DDX47: variants seen among roughly 807,000 people sequenced by gnomAD.
DDX47 encodes the protein probable ATP-dependent RNA helicase DDX47.
In DDX47, 60 loss-of-function variants were observed where a neutral mutation model predicts 58.8. That is an observed-to-expected ratio of 1.02 (90% CI 0.83 to 1.26). The LOEUF is 1.26. DDX47 is among the 50% of genes most tolerant of loss of function. The pLI, the probability that DDX47 is intolerant of heterozygous loss-of-function variation, is 0.00. For synonymous variants in DDX47, 197 were observed against 204.6 expected (o/e 0.96, Z 0.32); for missense variants, 530 against 573.2 (o/e 0.92, Z 0.77).
chr12:12,823,289 A>G lies in DDX47; in HGVS notation c.720A>G (p.Gln240=), dbSNP rs1187799152. 6.2e-7 allele frequency: 1 copy of G among 1,601,558 alleles called. No individual in the cohort carries two copies. Among genetic ancestry groups the G allele is most frequent in the East Asian group, 2.2e-5 (1 of 44,836 alleles). The change falls in exon 7 of 12, where the codon CAA becomes CAG. Residue 240 remains glutamine (Q), a synonymous_variant. Transcript: ENST00000358007. ...ACCAGACAGTTGAAAAATTACAGCA[A>G]TATTATATTTTTATTCCCTCTAAAT... ...SKYQTVEKLQ[Q]YYIFIPSKFK...
chr12:12,824,000 A>G lies in DDX47; in HGVS notation c.881A>G (p.His294Arg), dbSNP rs199916690. 12 of 1,613,770 alleles carry G rather than the reference A, an allele frequency of 7.4e-6. No individual in the cohort carries two copies. Among genetic ancestry groups the G allele is most frequent in the African/African-American group, 2.7e-5 (2 of 74,914 alleles). ...RNLGFTAIPLHGQMSQSKRLG... is the reference protein window; with the variant it reads ...RNLGFTAIPLRGQMSQSKRLG... The stretch of plus-strand genomic sequence containing the variant: ...CTTGGCTTCACTGCCATCCCCCTCC[A>G]TGGACAAATGAGTCAGGTAAGGATT... Residue 294 changes from histidine to arginine, a missense_variant, in exon 8 of 12, where the codon CAT becomes CGT. Transcript: ENST00000358007.
At position 12,821,342 on chromosome 12, in the gene DDX47, T is replaced by C; in HGVS notation, c.316T>C (p.Phe106Leu). The C allele has an allele frequency of 6.2e-7, 1 of 1,614,198 alleles. No individual in the cohort carries two copies. The highest frequency in any genetic ancestry group is 2.2e-5 in the East Asian group (1 of 44,876). Residue 106 changes from phenylalanine (F) to leucine (L), a missense_variant, in exon 3 of 12, where the codon TTT (phenylalanine) becomes CTT (leucine). Transcript: ENST00000358007. ...TCTTACCCCGACTCGGGAGCTGGCC[T>C]TTCAGATCTCAGAGCAGTTTGAAGC... ...LVLTPTRELAFQISEQFEALG... is the reference protein window; with the variant it reads ...LVLTPTRELALQISEQFEALG...
At chr12:12,817,165 G>C (rs2136419004) in intron 2 of DDX47, among the ~76,000 whole-genome samples, 1 of 152,166 alleles carries the variant, frequency 6.6e-6, no homozygotes, top group Non-Finnish European at 1.5e-5. Context: ...TTTGAATTTG[G>C]GACTACTGAC....
rs969930936 is a variant in DDX47 at position 12,824,782 on chromosome 12, T to G, written c.1035+105T>G. On this transcript the variant is annotated intron_variant, in intron 9 of 11. Transcript: ENST00000358007. ...AGCAGTTATTTTGTTCCTGGTTAAT[T>G]AAGTATCAAAAAACAAGAAAGCCCT... 6 of 1,294,828 alleles carry G rather than the reference T, an allele frequency of 4.6e-6. No homozygotes were observed. The African/African-American group carries it at 7.5e-5, about 16-fold the overall frequency. The allele number at this position is 1,294,828 out of a possible 1,614,324, so 80.2% of individuals were successfully genotyped here.
chr12:12,820,852 C>T, intron 2 of DDX47: 1 of 281,368 alleles, frequency 3.6e-6, no homozygotes, highest in South Asian at 3.6e-5. Context: ...ACAGGAATAT[C>T]CTTTCTTCCC....
At chr12:12,823,751 TG>T in intron 7 of DDX47, 118 bp from the exon 8 acceptor site, 1 of 960,050 alleles carries the variant, frequency 1.0e-6, no homozygotes, top group Non-Finnish European at 1.6e-6. Flanking sequence ...AGCTGGCAGC[TG>T]GAGGTCTGGA....
At position 12,827,453 on chromosome 12, in the gene DDX47, A is replaced by G. The variant is rs951879668; in HGVS notation, c.1236+78A>G. 104 of 1,474,056 alleles carry G rather than the reference A, an allele frequency of 7.1e-5. 1 individual carries two copies. In the African/African-American group the frequency reaches 1.3e-3, roughly 18 times the overall value. The allele number at this position is 1,474,056 out of a possible 1,614,324, so 91.3% of individuals were successfully genotyped here. The stretch of plus-strand genomic sequence containing the variant: ...GCCACTTTATTATATTAACCCTCAT[A>G]CTAAACTGCAGAAGCTGGGTATTAT... On this transcript the variant is annotated intron_variant, in intron 11 of 11. Transcript: ENST00000358007.
chr12:12,825,695 C>T (rs1190883115), intron 9 of DDX47, among the ~76,000 whole-genome samples: 1 of 152,106 alleles, frequency 6.6e-6, no homozygotes, highest in Non-Finnish European at 1.5e-5. Flanking sequence ...GAGCTGTAAT[C>T]CAGCTCTGCC....
At position 12,827,265 on chromosome 12, in the gene DDX47, C is replaced by T; in HGVS notation, c.1126C>T (p.Gln376Ter). 1 of 1,614,068 alleles carries T rather than the reference C, an allele frequency of 6.2e-7. No individual in the cohort carries two copies. Among genetic ancestry groups the T allele is most frequent in the Non-Finnish European group, 8.5e-7 (1 of 1,180,012 alleles). ...CCTCAGGTATGATGTGGAACTCTTC[C>T]AGCGCATAGAACACTTAATTGGGAA... The part of the protein sequence containing the change: ...FVTQYDVELF[Q>*]RIEHLIGKKL... Residue 376 changes from glutamine to a stop codon, truncating the protein, a stop_gained, in exon 11 of 12, where the codon CAG (glutamine) becomes TAG (stop). Transcript: ENST00000358007. LOFTEE classifies it high-confidence loss of function.
In DDX47 at chr12:12,827,966, C is replaced by T. The variant is rs926727902; in HGVS notation, c.1236+591C>T. Reference sequence around the variant, plus strand: ...TCTCGGCTCACCACAACCTCCGCCTCCCGGGTTCAAGCGATTCTCCTGCCT... The same window carrying T: ...TCTCGGCTCACCACAACCTCCGCCTTCCGGGTTCAAGCGATTCTCCTGCCT... On this transcript the variant is annotated intron_variant, in intron 11 of 11. Coordinates refer to ENST00000358007, the MANE Select transcript of DDX47 (RefSeq NM_016355.4). Among the ~76,000 whole-genome samples the T allele has an allele frequency of 4.6e-5, 7 of 150,700 alleles. No homozygotes were observed. In the Admixed American group the frequency reaches 4.7e-4, roughly 10 times the overall value.
At chr12:12,818,871 C>G (rs1224730152) in intron 2 of DDX47, among the ~76,000 whole-genome samples, 1 of 152,172 alleles carries the variant, frequency 6.6e-6, no homozygotes, top group Non-Finnish European at 1.5e-5. Context: ...TATTCACTAC[C>G]ATGAGAACAG....
chr12:12,822,527 A>G (rs1862989094), intron 5 of DDX47, 134 bp from the exon 6 acceptor site: 1 of 678,956 alleles, frequency 1.5e-6, no homozygotes, highest in Non-Finnish European at 2.5e-6. Context: ...GCTGAATCAA[A>G]TTGAATTTTC....
chr12:12,827,115 A>C lies in DDX47; in HGVS notation c.1107-131A>C, dbSNP rs548810667. 8.3e-6 allele frequency: 10 copies of C among 1,203,658 alleles called. No individual in the cohort carries two copies. The South Asian group carries it at 1.6e-4, about 19-fold the overall frequency. The allele number at this position is 1,203,658 out of a possible 1,614,324, so 74.6% of individuals were successfully genotyped here. ...GAGATTGCACTTAACCCATATTTAGAAAAGAAATAATATGTTCAATATTGT... is the reference window on the plus strand; with the variant it reads ...GAGATTGCACTTAACCCATATTTAGCAAAGAAATAATATGTTCAATATTGT... On this transcript the variant is annotated intron_variant, in intron 10 of 11. Coordinates refer to ENST00000358007, the MANE Select transcript of DDX47 (RefSeq NM_016355.4).
Position 12,829,580 on chromosome 12 carries a change from G to T in DDX47, c.*26G>T. ...TCACTTTTATGAAGGCTCGAGTTCT[G>T]CTGTTCTGTAAAAGAGAATTGGAGA... On this transcript the variant is annotated 3_prime_UTR_variant, in exon 12 of 12. Transcript: ENST00000358007. 1 of 1,607,892 alleles carries T rather than the reference G, an allele frequency of 6.2e-7. No individual in the cohort carries two copies. The highest frequency in any genetic ancestry group is 8.5e-7 in the Non-Finnish European group (1 of 1,177,878).
chr12:12,815,478 GAAA>G (rs1862882297), intron 2 of DDX47, among the ~76,000 whole-genome samples: 1 of 152,182 alleles, frequency 6.6e-6, no homozygotes, highest in Non-Finnish European at 1.5e-5. Flanking sequence ...AGGGACCTAA[GAAA>G]GTTACATTCA....
At chr12:12,815,226 T>C (rs763719412) in intron 2 of DDX47, among the ~76,000 whole-genome samples, 15 of 152,244 alleles carry the variant, frequency 9.9e-5, no homozygotes, top group Admixed American at 1.3e-4. Context: ...TAATGTAAGC[T>C]ATAATTATTA....
chr12:12,823,387 C>A, intron 7 of DDX47, 68 bp downstream of exon 7: 3 of 984,522 alleles, frequency 3.0e-6, no homozygotes, highest in Non-Finnish European at 4.9e-6. Context: ...GAAAATGTGT[C>A]AACTCTTGAT....
At chr12:12,821,902 TG>T in intron 4 of DDX47, 62 bp from the exon 5 acceptor site, 1 of 1,284,932 alleles carries the variant, frequency 7.8e-7, no homozygotes, top group Non-Finnish European at 1.1e-6. Context: ...TTTGTTTATT[TG>T]TTTTGTTTTT....
chr12:12,823,248 G>T lies in DDX47; in HGVS notation c.679G>T (p.Ala227Ser). The change falls in exon 7 of 12, where the codon GCC becomes TCC. Residue 227 changes from alanine (A) to serine (S), a missense_variant. By Grantham distance (99) the Ala-to-Ser change is moderately conservative. Coordinates refer to ENST00000358007, the MANE Select transcript of DDX47 (RefSeq NM_016355.4). ...AGCTCTGAAGAATCCTGTGAAATGT[G>T]CCGTTTCCTCTAAATACCAGACAGT... ...RAALKNPVKC[A>S]VSSKYQTVEK... is the part of the protein sequence containing the mutation. 2 of 1,614,012 alleles carry T rather than the reference G, an allele frequency of 1.2e-6. No homozygotes were observed. Among genetic ancestry groups the T allele is most frequent in the Non-Finnish European group, 1.7e-6 (2 of 1,179,898 alleles).
Sources: gnomAD v4.1 joint callset for allele counts (sites outside exome capture counted in the v4.1 genomes callset) on GRCh38, gnomAD v4.1.1 for gene constraint, MANE v1.5 for transcripts, NCBI Gene and HGNC (gene_info 2026-07-23, HGNC 2026-07-21) for gene names.